Variants in RFX4 observed in about 807,000 individuals in gnomAD.
RFX4 encodes the protein transcription factor RFX4.
Under a neutral mutation model 95.0 loss-of-function variants are expected in RFX4, and 10 were observed. That is an observed-to-expected ratio of 0.11 (90% CI 0.06 to 0.18). The LOEUF is 0.18. Ranked by LOEUF, RFX4 falls within the 10% of genes least tolerant of loss-of-function variation. The pLI is 1.00. For synonymous variants in RFX4, 321 were observed against 340.7 expected (o/e 0.94, Z 0.64); for missense variants, 640 against 922.0 (o/e 0.69, Z 3.96).
intron 2 of RFX4, among the ~76,000 whole-genome samples, chr12:106,616,054 C>T (rs558109056): frequency 2.0e-5 from 3 of 152,058 alleles, no homozygotes; most frequent in Non-Finnish European, 4.4e-5. Context: ...AAGTGGTGAA[C>T]GCATTTAGTG....
At chr12:106,691,108 G>A (rs1461841847) in intron 7 of RFX4, among the ~76,000 whole-genome samples, 3 of 152,184 alleles carry the variant, frequency 2.0e-5, no homozygotes, top group African/African-American at 7.2e-5. Flanking sequence ...TATGGAAAGA[G>A]TGCCAGGCTT....
intron 7 of RFX4, among the ~76,000 whole-genome samples, chr12:106,695,057 G>A (rs1771157545): frequency 6.6e-6 from 1 of 152,002 alleles, no homozygotes; most frequent in African/African-American, 2.4e-5. Flanking sequence ...AAAGCTAATG[G>A]CAATAATACT....
rs1592846158 is a variant in RFX4 at position 106,609,022 on chromosome 12, G to C, written c.130+139G>C. On this transcript the variant is annotated intron_variant, in intron 2 of 17. Transcript: ENST00000392842. The stretch of plus-strand genomic sequence containing the variant: ...CTCTAGCTATTTATGAAATATCCCA[G>C]GTCCTCTCTGTAATATTCCACAATG... 18 of 678,698 alleles carry C rather than the reference G, an allele frequency of 2.7e-5. No homozygotes were observed. In the East Asian group the frequency reaches 5.0e-4, roughly 19 times the overall value. 42.0% of individuals were successfully genotyped at this position (678,698 alleles called of 1,614,324 possible). A position where few individuals can be genotyped will look rare whatever the true frequency, so the allele number is the denominator to read the frequency against.
At chr12:106,726,246 TAA>T (rs550366505) in intron 13 of RFX4, among the ~76,000 whole-genome samples, 24 of 108,044 alleles carry the variant, frequency 2.2e-4, no homozygotes, top group Admixed American at 2.0e-4. Context: ...AGACTCCATC[TAA>T]AAAAAAAAAA....
intron 8 of RFX4, among the ~76,000 whole-genome samples, chr12:106,707,658 C>G (rs750459583): frequency 6.6e-6 from 1 of 151,458 alleles, no homozygotes; most frequent in Non-Finnish European, 1.5e-5. Context: ...AGGTCAGGAG[C>G]GGGGTGAGGA....
chr12:106,695,772 C>T (rs1289322763), intron 7 of RFX4, among the ~76,000 whole-genome samples: 5 of 152,132 alleles, frequency 3.3e-5, no homozygotes, highest in African/African-American at 9.7e-5. Flanking sequence ...CTTTGACGCA[C>T]AAATTTGAAT....
chr12:106,757,904 A>G (rs2043138086), intron 17 of RFX4, among the ~76,000 whole-genome samples: 1 of 152,244 alleles, frequency 6.6e-6, no homozygotes, highest in Admixed American at 6.5e-5. Context: ...GGCTTTTGCC[A>G]TAGGCATCTG....
intron 17 of RFX4, among the ~76,000 whole-genome samples, chr12:106,752,357 G>T (rs540797491): frequency 7.2e-5 from 11 of 152,274 alleles, no homozygotes; most frequent in Admixed American, 1.3e-4. Context: ...CTTTTCATCA[G>T]TGTCATTTCT....
At chr12:106,712,403 T>A (rs1250428361) in intron 10 of RFX4, among the ~76,000 whole-genome samples, 1 of 152,072 alleles carries the variant, frequency 6.6e-6, no homozygotes, top group Admixed American at 6.6e-5. Flanking sequence ...TTCCACCAAC[T>A]CTCTCACACT....
intron 8 of RFX4, among the ~76,000 whole-genome samples, chr12:106,707,145 T>C (rs1194718253): frequency 6.6e-6 from 1 of 152,160 alleles, no homozygotes; most frequent in Non-Finnish European, 1.5e-5. Flanking sequence ...TTTATTATAC[T>C]ACCTGTCTTG....
At chr12:106,745,095 G>A (rs995931660) in intron 15 of RFX4, among the ~76,000 whole-genome samples, 5 of 152,096 alleles carry the variant, frequency 3.3e-5, no homozygotes, top group African/African-American at 1.2e-4. Context: ...AAGAATTTGG[G>A]CGGCATGTTT....
At chr12:106,678,753 C>T (rs1333833225) in intron 4 of RFX4, among the ~76,000 whole-genome samples, 1 of 152,150 alleles carries the variant, frequency 6.6e-6, no homozygotes, top group Admixed American at 6.5e-5. Context: ...ATAACATAAA[C>T]ACAGATTGAG....
At chr12:106,583,464 T>C in intron 1 of RFX4, 101 bp downstream of exon 1, 3 of 1,144,720 alleles carry the variant, frequency 2.6e-6, no homozygotes, top group Non-Finnish European at 3.6e-6. Context: ...ACGGGTCAAC[T>C]TGACAGTGGA....
rs981774908 is a variant in RFX4 at position 106,720,296 on chromosome 12, GT to G, written c.1233+249del. The stretch of plus-strand genomic sequence containing the variant: ...TTGGTATAAGATTTCATTTTTTAAA[GT>G]TTTTTTGCTGCTACAAACAAAACAA... On this transcript the variant is annotated intron_variant, in intron 12 of 17. Transcript: ENST00000392842. This position sits in a 1 kb window ranked among gnomAD's most constrained non-coding sequence, Gnocchi z 4.2. Among the ~76,000 whole-genome samples the G allele has an allele frequency of 6.6e-6, 1 of 152,200 alleles. No individual in the cohort carries two copies. The highest frequency in any genetic ancestry group is 2.4e-5 in the African/African-American group (1 of 41,456).
intron 2 of RFX4, among the ~76,000 whole-genome samples, chr12:106,618,339 T>C (rs1018990390): frequency 6.6e-6 from 1 of 152,272 alleles, no homozygotes; most frequent in South Asian, 2.1e-4. Flanking sequence ...TCTCAGTTAC[T>C]ATGACAGGTA....
intron 1 of RFX4, among the ~76,000 whole-genome samples, chr12:106,602,377 C>T (rs1048421421): frequency 6.6e-6 from 1 of 152,312 alleles, no homozygotes; most frequent in South Asian, 2.1e-4. Context: ...ACACTAAGTG[C>T]CTTACCTTTA....
chr12:106,639,718 T>C (rs2137279851), intron 3 of RFX4, among the ~76,000 whole-genome samples: 1 of 152,366 alleles, frequency 6.6e-6, no homozygotes, highest in East Asian at 1.9e-4. Context: ...GTCTGTTGAC[T>C]CTTACCAATG....
At chr12:106,631,540 G>GGGATTAGTGTCTCCTTATAAA (rs2040415920) in intron 2 of RFX4, among the ~76,000 whole-genome samples, 1 of 152,162 alleles carries the variant, frequency 6.6e-6, no homozygotes, top group Non-Finnish European at 1.5e-5. Context: ...CCTTGTGAAT[G>GGGATTAGTGTCTCCTTATAAA]GGATTAGTGT....
intron 4 of RFX4, among the ~76,000 whole-genome samples, chr12:106,655,322 C>T (rs2040935334): frequency 1.3e-5 from 2 of 152,182 alleles, no homozygotes; most frequent in Admixed American, 6.5e-5. Context: ...TGTTGATTAA[C>T]ATGATTTCTC....
Sources: allele counts gnomAD v4.1 joint callset (sites outside exome capture counted in the v4.1 genomes callset), GRCh38; gene constraint gnomAD v4.1.1; non-coding constraint Gnocchi (gnomAD v3.1); transcripts MANE v1.5; gene names NCBI Gene and HGNC (gene_info 2026-07-23, HGNC 2026-07-21).